Variants in ITGA1 observed in about 807,000 individuals in gnomAD.
The protein encoded by ITGA1 is integrin subunit alpha 1.
A neutral mutation model predicts 145.9 loss-of-function variants in ITGA1; 85 were observed. That is an observed-to-expected ratio of 0.58 (90% CI 0.49 to 0.70). ITGA1 has a LOEUF of 0.70. ITGA1 is among the 30% of genes least tolerant of loss of function. The pLI, the probability that ITGA1 is intolerant of heterozygous loss-of-function variation, is 0.00. For missense variants in ITGA1, 1,351 were observed against 1,418.7 expected, an observed-to-expected ratio of 0.95 and a Z score of 0.77; for synonymous variants, 520 against 495.3, an observed-to-expected ratio of 1.05 and a Z score of -0.66.
chr5:52,826,751 A>C (rs1748973303), intron 1 of ITGA1, among the ~76,000 whole-genome samples: 4 of 152,248 alleles, frequency 2.6e-5, no homozygotes. Flanking sequence ...ATATCTGTTT[A>C]CAGCATAGTT....
chr5:52,836,112 A>C (rs1580054634), intron 1 of ITGA1, among the ~76,000 whole-genome samples: 1 of 152,202 alleles, frequency 6.6e-6, no homozygotes, highest in Non-Finnish European at 1.5e-5. Flanking sequence ...CATGAACTAG[A>C]AATGGCCAGT....
At chr5:52,804,399 G>C (rs969225938) in intron 1 of ITGA1, among the ~76,000 whole-genome samples, 6 of 152,104 alleles carry the variant, frequency 3.9e-5, no homozygotes, top group African/African-American at 1.4e-4. Flanking sequence ...AGCTACTCCT[G>C]GTCCCTCATT....
chr5:52,881,974 G>T lies in ITGA1; in HGVS notation c.726G>T (p.Gln242His). Residue 242 changes from glutamine to histidine, a missense_variant, in exon 7 of 29, where the codon CAG becomes CAT. By Grantham distance (24) the Gln-to-His change is conservative. Coordinates refer to ENST00000282588, the MANE Select transcript of ITGA1 (RefSeq NM_181501.2). ...TTGTTGCAGCAAAGAAAATAGTCCA[G>T]AGAGGTGGCCGCCAGACTATGACAG... ...EVLVAAKKIV[Q>H]RGGRQTMTAL... 2 of 1,613,766 alleles carry T rather than the reference G, an allele frequency of 1.2e-6. No individual in the cohort carries two copies. Among genetic ancestry groups the T allele is most frequent in the Non-Finnish European group, 1.7e-6 (2 of 1,179,818 alleles).
chr5:52,861,256 T>C (rs1361082518), intron 2 of ITGA1, among the ~76,000 whole-genome samples, 191 bp from the exon 3 acceptor site: 2 of 152,224 alleles, frequency 1.3e-5, no homozygotes, highest in Admixed American at 1.3e-4. Flanking sequence ...TGTGTATATA[T>C]ACTTTTTAAT....
At chr5:52,872,575 ATT>A (rs58664401) in intron 6 of ITGA1, among the ~76,000 whole-genome samples, 8 of 98,340 alleles carry the variant, frequency 8.1e-5, no homozygotes, top group East Asian at 4.4e-4. Context: ...GCCTCAGTCA[ATT>A]TTTTTTTTTT....
At chr5:52,910,912 T>A (rs1475080576) in intron 14 of ITGA1, among the ~76,000 whole-genome samples, 1 of 139,182 alleles carries the variant, frequency 7.2e-6, no homozygotes, top group Non-Finnish European at 1.5e-5. Context: ...ATACGGTATG[T>A]ATACTATATA....
At chr5:52,863,292 A>T (rs137942422) in intron 3 of ITGA1, among the ~76,000 whole-genome samples, 9 of 152,332 alleles carry the variant, frequency 5.9e-5, no homozygotes, top group East Asian at 1.9e-4. Context: ...AGTTATTTGG[A>T]TAAAATATAT....
intron 9 of ITGA1, among the ~76,000 whole-genome samples, chr5:52,895,058 A>G (rs956815698): frequency 3.3e-5 from 5 of 152,150 alleles, no homozygotes; most frequent in Non-Finnish European, 2.9e-5. Context: ...CATGTGATGC[A>G]CTGTGATGGT....
intron 6 of ITGA1, among the ~76,000 whole-genome samples, chr5:52,874,942 C>T (rs967200591): frequency 6.5e-4 from 99 of 152,078 alleles, no homozygotes; most frequent in Non-Finnish European, 5.0e-4. Context: ...ATATGATCCT[C>T]ACAAAAAAAT....
chr5:52,915,722 T>C, intron 15 of ITGA1, 128 bp downstream of exon 15: 1 of 1,142,270 alleles, frequency 8.8e-7, no homozygotes, highest in Non-Finnish European at 1.2e-6. Context: ...TACAAGTTAT[T>C]CAGTTGAGTG....
intron 1 of ITGA1, chr5:52,802,424 A>G (rs1221775103): frequency 6.6e-6 from 1 of 152,232 alleles, no homozygotes; most frequent in Non-Finnish European, 1.5e-5. Context: ...TAAACCAATC[A>G]TGTTAAAAGG....
At chr5:52,946,179 G>C (rs1196576796) in intron 27 of ITGA1, among the ~76,000 whole-genome samples, 1 of 152,166 alleles carries the variant, frequency 6.6e-6, no homozygotes, top group East Asian at 1.9e-4. Context: ...GAAAGTCACT[G>C]ATCTTATCTA....
rs58664401 is a variant in ITGA1, at chr5:52,872,575, A to ATTTT, written c.624+6773_624+6776dup. 4.5e-3 allele frequency among the ~76,000 whole-genome samples: 440 copies of ATTTT among 98,360 alleles called. 23 individuals carry two copies. Among genetic ancestry groups the ATTTT allele is most frequent in the African/African-American group, 0.015 (420 of 27,744 alleles). The allele number at this position is 98,360 out of a possible 152,430, so 64.5% of individuals were successfully genotyped here. On this transcript the variant is annotated intron_variant, in intron 6 of 28. Coordinates refer to ENST00000282588, the MANE Select transcript of ITGA1 (RefSeq NM_181501.2). Reference sequence around the variant, plus strand: ...CTTCCCCTTACACCCGCCTCAGTCAATTTTTTTTTTTTTTTTTTGTGGGTG... The same window carrying ATTTT: ...CTTCCCCTTACACCCGCCTCAGTCAATTTTTTTTTTTTTTTTTTTTTTGTGGGTG...
chr5:52,792,025 A>T (rs1292861410), intron 1 of ITGA1, among the ~76,000 whole-genome samples: 4 of 152,218 alleles, frequency 2.6e-5, no homozygotes, highest in Non-Finnish European at 4.4e-5. Flanking sequence ...AAATACTTGG[A>T]TAAAGACCTA....
At position 52,939,576 on chromosome 5, in the gene ITGA1, AT is replaced by A; in HGVS notation, c.3079-10del. ...TCTGGCATTGTCTGATAAATGTAAT[AT>A]TTTCATTTCTAGAATGCAAACTGCA... On this transcript the variant is annotated splice_polypyrimidine_tract_variant and intron_variant, in intron 24 of 28. Transcript: ENST00000282588. 2 of 1,530,396 alleles carry A rather than the reference AT, an allele frequency of 1.3e-6. No individual in the cohort carries two copies. The highest frequency in any genetic ancestry group is 1.8e-6 in the Non-Finnish European group (2 of 1,106,744). 94.8% of individuals were successfully genotyped at this position (1,530,396 alleles called of 1,614,324 possible).
chr5:52,830,449 T>C (rs192084818), intron 1 of ITGA1, among the ~76,000 whole-genome samples: 3 of 152,186 alleles, frequency 2.0e-5, no homozygotes, highest in Admixed American at 6.6e-5. Flanking sequence ...CCAGAGAGTA[T>C]ACCTTAAAAC....
chr5:52,898,433 T>C (rs781638281), intron 11 of ITGA1, 50 bp downstream of exon 11: 147 of 1,459,278 alleles, frequency 1.0e-4, no homozygotes, highest in Non-Finnish European at 1.3e-4. Flanking sequence ...TTCCATTTTT[T>C]ACCTTTAGCA....
chr5:52,825,785 G>C (rs2111711845), intron 1 of ITGA1, among the ~76,000 whole-genome samples: 1 of 152,228 alleles, frequency 6.6e-6, no homozygotes, highest in East Asian at 1.9e-4. Context: ...GGGCGTGGTG[G>C]CGCCTGCCTG....
intron 5 of ITGA1, among the ~76,000 whole-genome samples, chr5:52,865,368 C>T (rs896606255): frequency 1.3e-5 from 2 of 152,162 alleles, no homozygotes; most frequent in Non-Finnish European, 2.9e-5. Context: ...GAAGTAACTT[C>T]ATTTGAGATA....
Sources: allele counts gnomAD v4.1 joint callset (sites outside exome capture counted in the v4.1 genomes callset), GRCh38; gene constraint gnomAD v4.1.1; transcripts MANE v1.5; gene names NCBI Gene and HGNC (gene_info 2026-07-23, HGNC 2026-07-21).